MAN1C1: variants seen among roughly 807,000 people sequenced by gnomAD.
MAN1C1 encodes mannosyl-oligosaccharide 1,2-alpha-mannosidase IC.
A neutral mutation model predicts 71.5 loss-of-function variants in MAN1C1; 49 were observed. The observed-to-expected ratio is 0.69, with a 90% confidence interval of 0.54 to 0.87. The LOEUF is 0.87. Ranked by LOEUF, MAN1C1 falls within the 40% of genes least tolerant of loss-of-function variation. The probability of loss-of-function intolerance (pLI) is 0.00; values close to 1 mark genes in which losing one functional copy is unlikely to be tolerated. For missense variants in MAN1C1, 743 were observed against 835.0 expected, an observed-to-expected ratio of 0.89 and a Z score of 1.36; for synonymous variants, 352 against 343.7, an observed-to-expected ratio of 1.02 and a Z score of -0.27.
In MAN1C1 at chr1:25,778,979, A is replaced by G. The variant is rs927328114; in HGVS notation, c.1477+655A>G. Among the ~76,000 whole-genome samples the G allele has an allele frequency of 1.6e-4, 25 of 152,284 alleles. No individual in the cohort carries two copies. The highest frequency in any genetic ancestry group is 2.6e-4 in the Non-Finnish European group (18 of 68,012). ...CAGAGAGGGGAAGTGACTTAGCCAA[A>G]GTCACACTGCACATGAGGAATTGAT... On this transcript the variant is annotated intron_variant, in intron 9 of 11. Transcript: ENST00000374332. The surrounding 1 kb of genome is among the most constrained non-coding windows in gnomAD (Gnocchi z 5.5).
intron 1 of MAN1C1, among the ~76,000 whole-genome samples, chr1:25,658,452 T>G (rs929623000): frequency 1.3e-5 from 2 of 152,124 alleles, no homozygotes; most frequent in African/African-American, 2.4e-5. Flanking sequence ...CCAAACTTGC[T>G]GCTGCTTCTT....
chr1:25,773,789 A>G (rs773606085), intron 8 of MAN1C1, among the ~76,000 whole-genome samples: 1 of 152,230 alleles, frequency 6.6e-6, no homozygotes, highest in Non-Finnish European at 1.5e-5. Flanking sequence ...TGCTCTCTGC[A>G]TTTGATCTTC....
intron 5 of MAN1C1, 73 bp from the exon 6 acceptor site, chr1:25,758,519 G>A (rs2047318914): frequency 7.5e-7 from 1 of 1,339,198 alleles, no homozygotes. Flanking sequence ...CCACCGAGCA[G>A]CTGCTGTTAC....
rs2047607795 is a variant in MAN1C1 at position 25,775,501 on chromosome 1, C to G, written c.1258-2604C>G. Among the ~76,000 whole-genome samples, 1 of 152,236 alleles carries G rather than the reference C, an allele frequency of 6.6e-6. No individual in the cohort carries two copies. Among genetic ancestry groups the G allele is most frequent in the African/African-American group, 2.4e-5 (1 of 41,458 alleles). On this transcript the variant is annotated intron_variant, in intron 8 of 11. Coordinates refer to ENST00000374332, the MANE Select transcript of MAN1C1 (RefSeq NM_020379.4). This position sits in a 1 kb window ranked among gnomAD's most constrained non-coding sequence, Gnocchi z 5.1. ...GCATCTTCTGTGTGTCGGGCACTGGCTGGAGGCTGCTGCTGGTGGCTTCTG... is the reference window on the plus strand; with the variant it reads ...GCATCTTCTGTGTGTCGGGCACTGGGTGGAGGCTGCTGCTGGTGGCTTCTG...
chr1:25,753,494 T>C lies in MAN1C1; in HGVS notation c.845T>C (p.Ile282Thr), dbSNP rs2047244291. The change falls in exon 5 of 12, where the codon ATA becomes ACA. Residue 282 changes from isoleucine to threonine, a missense_variant. Ile to Thr is a moderately conservative substitution (Grantham distance 89). Transcript: ENST00000374332. The surrounding 1 kb of genome is among the most constrained non-coding windows in gnomAD (Gnocchi z 4.9). ...TCCCCTCCTTTACAGGTGTTCCGAA[T>C]AAAGGCCATCAGGCTGGGAGAGAAG... The part of the protein sequence containing the change: ...FYLTGEEVFR[I>T]KAIRLGEKLL... The C allele has an allele frequency of 6.2e-7, 1 of 1,613,514 alleles. No homozygotes were observed. The highest frequency in any genetic ancestry group is 8.5e-7 in the Non-Finnish European group (1 of 1,179,682).
chr1:25,771,070 C>G (rs1329675609), intron 7 of MAN1C1, among the ~76,000 whole-genome samples: 1 of 152,164 alleles, frequency 6.6e-6, no homozygotes, highest in African/African-American at 2.4e-5. Flanking sequence ...GCCCACTGTC[C>G]AGCAGGCAGA....
At chr1:25,682,587 G>A (rs991848489) in intron 1 of MAN1C1, among the ~76,000 whole-genome samples, 3 of 152,186 alleles carry the variant, frequency 2.0e-5, no homozygotes, top group Non-Finnish European at 4.4e-5. Flanking sequence ...CTGGCTCCCC[G>A]TGGCTGAAGG....
intron 7 of MAN1C1, among the ~76,000 whole-genome samples, chr1:25,767,379 C>CCA (rs143706023): frequency 0.021 from 775 of 37,496 alleles, 52 homozygotes; most frequent in African/African-American, 0.083. Flanking sequence ...CGTCCACACT[C>CCA]CACACACACA....
chr1:25,767,972 C>A (rs2047469136), intron 7 of MAN1C1, among the ~76,000 whole-genome samples: 2 of 117,578 alleles, frequency 1.7e-5, no homozygotes, highest in Non-Finnish European at 1.8e-5. Flanking sequence ...ACACTCCCCT[C>A]ACACACACCA....
intron 6 of MAN1C1, chr1:25,761,676 T>G (rs1231307664): frequency 7.5e-6 from 1 of 133,010 alleles, no homozygotes; most frequent in African/African-American, 2.9e-5. Context: ...CAGCCTGGAG[T>G]GCAGTGGCAC....
intron 2 of MAN1C1, among the ~76,000 whole-genome samples, chr1:25,690,543 G>A (rs1028444845): frequency 2.0e-5 from 3 of 152,150 alleles, no homozygotes; most frequent in African/African-American, 4.8e-5. Flanking sequence ...TTCCCTCCTC[G>A]GCTTCCCAAA....
rs2045228417 is a variant in MAN1C1, at chr1:25,622,404, C to T, written c.540+4067C>T. On this transcript the variant is annotated intron_variant, in intron 1 of 11. Transcript: ENST00000374332. ...TCTGCCCAAGCACCTAGAATAGGGT[C>T]TGACATTTAGTTGGAACTCACCTAC... Among the ~76,000 whole-genome samples the T allele has an allele frequency of 1.3e-5, 2 of 152,196 alleles. 1 individual carries two copies. The highest frequency in any genetic ancestry group is 4.1e-4 in the South Asian group (2 of 4,830).
In MAN1C1 at chr1:25,764,064, C is replaced by CT; in HGVS notation, c.1141+98dup. 1.0e-6 allele frequency: 1 copy of CT among 985,164 alleles called. No homozygotes were observed. The allele number at this position is 985,164 out of a possible 1,614,324, so 61.0% of individuals were successfully genotyped here. A position where few individuals can be genotyped will look rare whatever the true frequency, so the allele number is the denominator to read the frequency against. On this transcript the variant is annotated intron_variant, in intron 7 of 11. Coordinates refer to ENST00000374332, the MANE Select transcript of MAN1C1 (RefSeq NM_020379.4). The surrounding 1 kb of genome is among the most constrained non-coding windows in gnomAD (Gnocchi z 4.4). Reference sequence around the variant, plus strand: ...GCCCCTGGGCTGAGTGAGGATGTGTCTGTCAGAGCCATGCAGCCAGCAAGG... The same window carrying CT: ...GCCCCTGGGCTGAGTGAGGATGTGTCTTGTCAGAGCCATGCAGCCAGCAAGG...
chr1:25,708,968 G>A (rs1335970814), intron 2 of MAN1C1, among the ~76,000 whole-genome samples: 2 of 152,114 alleles, frequency 1.3e-5, no homozygotes, highest in East Asian at 3.9e-4. Flanking sequence ...TGGGGTCTTG[G>A]CACTTGCATT....
chr1:25,767,568 A>C (rs2047453339), intron 7 of MAN1C1, among the ~76,000 whole-genome samples: 1 of 125,162 alleles, frequency 8.0e-6, no homozygotes, highest in Non-Finnish European at 1.6e-5. Flanking sequence ...CCCCTCACAC[A>C]CACCCACACA....
chr1:25,713,669 T>C (rs1373044121), intron 2 of MAN1C1, among the ~76,000 whole-genome samples: 1 of 152,162 alleles, frequency 6.6e-6, no homozygotes, highest in Non-Finnish European at 1.5e-5. Context: ...ATATGAGGTC[T>C]GAAAAGAGGC....
chr1:25,715,503 A>G (rs373186921), intron 2 of MAN1C1, among the ~76,000 whole-genome samples: 80 of 152,314 alleles, frequency 5.3e-4, no homozygotes, highest in Admixed American at 3.9e-3. Flanking sequence ...AGCACTCACA[A>G]CAGACTTTGT....
chr1:25,771,833 C>A, intron 8 of MAN1C1, 61 bp downstream of exon 8: 1 of 1,385,084 alleles, frequency 7.2e-7, no homozygotes, highest in Non-Finnish European at 1.0e-6. Context: ...TCTCTCACGG[C>A]CGAGCGAGGG....
intron 2 of MAN1C1, among the ~76,000 whole-genome samples, chr1:25,715,414 A>G (rs2046667697): frequency 6.6e-6 from 1 of 152,200 alleles, no homozygotes; most frequent in South Asian, 2.1e-4. Flanking sequence ...AACTAGAGAA[A>G]GTATAGGTGG....
Sources: gnomAD v4.1 joint callset for allele counts (sites outside exome capture counted in the v4.1 genomes callset) on GRCh38, gnomAD v4.1.1 for gene constraint, Gnocchi (gnomAD v3.1) non-coding constraint, MANE v1.5 for transcripts, NCBI Gene and HGNC (gene_info 2026-07-23, HGNC 2026-07-21) for gene names.